Variants in KLRF2 observed in about 807,000 individuals in gnomAD.
KLRF2 encodes the protein killer cell lectin-like receptor subfamily F member 2.
A neutral mutation model predicts 25.3 loss-of-function variants in KLRF2; 28 were observed. The observed-to-expected ratio is 1.11, with a 90% confidence interval of 0.82 to 1.52. The LOEUF (loss-of-function observed/expected upper bound fraction) is 1.52, where lower values mean the gene tolerates loss of function less well. Among genes scored for constraint, KLRF2 ranks in the 40% most tolerant of loss-of-function variants. KLRF2 has a pLI of 0.00. For synonymous variants in KLRF2, 73 were observed against 85.0 expected (o/e 0.86, Z 0.78); for missense variants, 265 against 245.8 (o/e 1.08, Z -0.52).
chr12:9,883,221 A>G (rs1297963586), intron 1 of KLRF2, among the ~76,000 whole-genome samples: 1 of 152,198 alleles, frequency 6.6e-6, no homozygotes, highest in African/African-American at 2.4e-5. Flanking sequence ...CTTAAGATTG[A>G]TATAATTAAT....
At chr12:9,883,317 C>G (rs1421657644) in intron 1 of KLRF2, among the ~76,000 whole-genome samples, 1 of 152,152 alleles carries the variant, frequency 6.6e-6, no homozygotes, top group Non-Finnish European at 1.5e-5. Flanking sequence ...AATAGTAGCA[C>G]CAGCAGATTT....
In KLRF2 at chr12:9,888,671, T is replaced by C. The variant is rs1441079539; in HGVS notation, c.170-62T>C. ...ATTTTCTGCTGGTACTTTATTCTCATGTACCTAGATTGCTATTGATTTTTA... is the reference window on the plus strand; with the variant it reads ...ATTTTCTGCTGGTACTTTATTCTCACGTACCTAGATTGCTATTGATTTTTA... On this transcript the variant is annotated intron_variant, in intron 2 of 5. Coordinates refer to ENST00000535540, the MANE Select transcript of KLRF2 (RefSeq NM_001190765.1). 5 of 933,286 alleles carry C rather than the reference T, an allele frequency of 5.4e-6. No homozygotes were observed. The East Asian group carries it at 1.0e-4, about 20-fold the overall frequency. The allele number at this position is 933,286 out of a possible 1,614,324, so 57.8% of individuals were successfully genotyped here.
chr12:9,885,398 T>C (rs1385917541), intron 2 of KLRF2, among the ~76,000 whole-genome samples: 3 of 151,876 alleles, frequency 2.0e-5, no homozygotes, highest in Admixed American at 6.6e-5. Flanking sequence ...GACTTTTTTC[T>C]TCCTGAAGTG....
rs76782900 is a variant in KLRF2, at chr12:9,889,043, T to C, written c.217+263T>C. Among the ~76,000 whole-genome samples the C allele has an allele frequency of 6.0e-3, 909 of 152,320 alleles. 12 individuals carry two copies. Among genetic ancestry groups the C allele is most frequent in the African/African-American group, 0.021 (872 of 41,562 alleles). On this transcript the variant is annotated intron_variant, in intron 3 of 5. Transcript: ENST00000535540. ...CAGGATGATAGTGGATTTCCTGCCA[T>C]ACCTAACTTGCCAAATATTTATCGA... is the stretch of plus-strand genomic sequence containing the variant.
chr12:9,883,832 T>C (rs1868120447), intron 1 of KLRF2, among the ~76,000 whole-genome samples: 1 of 152,168 alleles, frequency 6.6e-6, no homozygotes, highest in Admixed American at 6.5e-5. Context: ...ATAAAACCTA[T>C]TGAAGTAAAG....
chr12:9,889,664 A>G (rs71450005), intron 3 of KLRF2, among the ~76,000 whole-genome samples: 77 of 151,228 alleles, frequency 5.1e-4, no homozygotes, highest in Middle Eastern at 3.4e-3. Flanking sequence ...GTGTGTGTAT[A>G]TATATGTATA....
intron 3 of KLRF2, among the ~76,000 whole-genome samples, chr12:9,889,690 A>T (rs1298276866): frequency 6.6e-6 from 1 of 151,710 alleles, no homozygotes; most frequent in Admixed American, 6.6e-5. Context: ...ACATATATAC[A>T]CACATATATA....
intron 2 of KLRF2, among the ~76,000 whole-genome samples, chr12:9,888,136 G>C (rs548030855): frequency 1.4e-5 from 2 of 141,250 alleles, no homozygotes; most frequent in Admixed American, 1.4e-4. Context: ...AAAAAGTCCA[G>C]TGAAAAAAAT....
chr12:9,888,420 T>C (rs1030722409), intron 2 of KLRF2, among the ~76,000 whole-genome samples: 1 of 150,628 alleles, frequency 6.6e-6, no homozygotes, highest in African/African-American at 2.4e-5. Context: ...AACCTGGGAG[T>C]CGGAGCTTGC....
chr12:9,886,640 T>C (rs1422433253), intron 2 of KLRF2, among the ~76,000 whole-genome samples: 3 of 152,028 alleles, frequency 2.0e-5, no homozygotes, highest in Non-Finnish European at 2.9e-5. Context: ...AAAATAACTT[T>C]TGAAAGCCAA....
intron 2 of KLRF2, among the ~76,000 whole-genome samples, chr12:9,888,447 G>A (rs567760656): frequency 2.6e-5 from 4 of 151,540 alleles, no homozygotes; most frequent in Admixed American, 1.3e-4. Context: ...CCGAGATTGC[G>A]CCACTGCACT....
chr12:9,888,644 T>C, intron 2 of KLRF2, 89 bp from the exon 3 acceptor site: 1 of 710,912 alleles, frequency 1.4e-6, no homozygotes, highest in Non-Finnish European at 2.4e-6. Flanking sequence ...TAGTATGCCT[T>C]CATTTTCTGC....
chr12:9,890,919 A>C (rs10505739), intron 3 of KLRF2, among the ~76,000 whole-genome samples: 3,862 of 152,260 alleles, frequency 0.025, 189 homozygotes, highest in East Asian at 0.21. Flanking sequence ...ATATCCTCTA[A>C]TAGTCAGCAT....
At chr12:9,888,215 G>C (rs550878251) in intron 2 of KLRF2, among the ~76,000 whole-genome samples, 1 of 151,926 alleles carries the variant, frequency 6.6e-6, no homozygotes, top group Admixed American at 6.6e-5. Context: ...TGCAGGCCGG[G>C]CATGGTGGCT....
At chr12:9,894,058 TTC>T (rs1862722248) in intron 5 of KLRF2, among the ~76,000 whole-genome samples, 1 of 151,610 alleles carries the variant, frequency 6.6e-6, no homozygotes, top group African/African-American at 2.4e-5. Context: ...TTCTTTCTCT[TTC>T]TCTTTTTTCT....
At chr12:9,886,295 A>G (rs1027594688) in intron 2 of KLRF2, among the ~76,000 whole-genome samples, 1 of 152,172 alleles carries the variant, frequency 6.6e-6, no homozygotes, top group Non-Finnish European at 1.5e-5. Context: ...TGGAGTATTG[A>G]CCATAAATAT....
intron 2 of KLRF2, among the ~76,000 whole-genome samples, chr12:9,886,731 A>T (rs945628581): frequency 1.4e-5 from 2 of 139,526 alleles, no homozygotes; most frequent in African/African-American, 5.2e-5. Context: ...CTGTCGGTCT[A>T]TTTACACAGT....
chr12:9,891,919 T>C (rs1383367151), intron 3 of KLRF2, among the ~76,000 whole-genome samples: 2 of 152,164 alleles, frequency 1.3e-5, no homozygotes, highest in African/African-American at 4.8e-5. Context: ...AAATATGACA[T>C]GTTTTAACTT....
At chr12:9,887,283 T>G (rs1035738244) in intron 2 of KLRF2, among the ~76,000 whole-genome samples, 2 of 152,094 alleles carry the variant, frequency 1.3e-5, no homozygotes, top group African/African-American at 4.8e-5. Flanking sequence ...GATGATAGAT[T>G]AGATAGATAA....
Sources: allele counts gnomAD v4.1 joint callset (sites outside exome capture counted in the v4.1 genomes callset), GRCh38; gene constraint gnomAD v4.1.1; transcripts MANE v1.5; gene names NCBI Gene and HGNC (gene_info 2026-07-23, HGNC 2026-07-21).